Variants in AGBL3 observed in about 807,000 individuals in gnomAD.
AGBL3 encodes AGBL carboxypeptidase 3.
A neutral mutation model predicts 94.5 loss-of-function variants in AGBL3; 68 were observed. The ratio of observed to expected loss-of-function variants is 0.72; its 90% confidence interval spans 0.59 to 0.88. The LOEUF (loss-of-function observed/expected upper bound fraction) is 0.88. AGBL3 is among the 40% of genes least tolerant of loss of function. The probability of loss-of-function intolerance (pLI) is 0.00; values close to 1 mark genes in which losing one functional copy is unlikely to be tolerated. For missense variants in AGBL3, 934 were observed against 1,103.8 expected, an observed-to-expected ratio of 0.85 and a Z score of 2.18; for synonymous variants, 354 against 370.7, an observed-to-expected ratio of 0.95 and a Z score of 0.52.
chr7:135,050,439 T>G (rs921903552), intron 11 of AGBL3, among the ~76,000 whole-genome samples: 10 of 151,988 alleles, frequency 6.6e-5, no homozygotes, highest in Admixed American at 3.3e-4. Context: ...GTTTCCTTAT[T>G]GATCATCTAT....
intron 5 of AGBL3, among the ~76,000 whole-genome samples, chr7:135,021,054 T>TA (rs58072725): frequency 5.7e-5 from 1 of 17,602 alleles, no homozygotes; most frequent in African/African-American, 6.5e-5. Context: ...ACTTAAATAA[T>TA]AAAAAAAAAA....
intron 11 of AGBL3, among the ~76,000 whole-genome samples, chr7:135,046,123 G>C (rs1817334230): frequency 6.6e-6 from 1 of 152,112 alleles, no homozygotes; most frequent in South Asian, 2.1e-4. Flanking sequence ...AGTGTACTGT[G>C]AATAGTGTGT....
At chr7:134,990,079 G>A (rs561895150) in intron 3 of AGBL3, among the ~76,000 whole-genome samples, 20 of 152,276 alleles carry the variant, frequency 1.3e-4, no homozygotes, top group Admixed American at 1.1e-3. Context: ...TTCTGGGATT[G>A]CTAGAAAAAT....
intron 15 of AGBL3, among the ~76,000 whole-genome samples, chr7:135,096,790 A>AGAAAGAAAGAAG (rs1822963581): frequency 6.7e-6 from 1 of 150,324 alleles, no homozygotes; most frequent in Non-Finnish European, 1.5e-5. Context: ...AAAGAAAGAA[A>AGAAAGAAAGAAG]GAAAAAGGGA....
intron 12 of AGBL3, among the ~76,000 whole-genome samples, chr7:135,073,231 G>A (rs1258760086): frequency 1.3e-5 from 2 of 152,078 alleles, no homozygotes; most frequent in East Asian, 3.9e-4. Context: ...ACTATGGGAG[G>A]CCGATGCAGG....
chr7:134,989,558 C>A (rs1809950537), intron 3 of AGBL3, among the ~76,000 whole-genome samples: 1 of 152,120 alleles, frequency 6.6e-6, no homozygotes, highest in Non-Finnish European at 1.5e-5. Context: ...TTTACCTTGT[C>A]ATTTGTTTAA....
intron 11 of AGBL3, among the ~76,000 whole-genome samples, chr7:135,050,721 T>C (rs1031115775): frequency 4.6e-5 from 7 of 152,072 alleles, no homozygotes; most frequent in Non-Finnish European, 1.0e-4. Flanking sequence ...CTGATATAAG[T>C]ATAGCTATTC....
At chr7:135,005,746 T>G (rs1174589860) in intron 4 of AGBL3, among the ~76,000 whole-genome samples, 1 of 151,812 alleles carries the variant, frequency 6.6e-6, no homozygotes, top group Non-Finnish European at 1.5e-5. Context: ...TGGTATTAGA[T>G]TAGTAGAAGA....
At chr7:135,054,124 T>C (rs1554505638) in intron 11 of AGBL3, among the ~76,000 whole-genome samples, 4 of 152,238 alleles carry the variant, frequency 2.6e-5, no homozygotes, top group Non-Finnish European at 1.5e-5. Flanking sequence ...TATATAATTT[T>C]AGGAGTTTCC....
At chr7:135,073,512 A>G (rs28793684) in intron 12 of AGBL3, among the ~76,000 whole-genome samples, 2,753 of 144,204 alleles carry the variant, frequency 0.019, 51 homozygotes, top group African/African-American at 0.025. Flanking sequence ...ATAAATAAAT[A>G]AACCTTGCAG....
chr7:135,002,839 T>C (rs903677827), intron 4 of AGBL3, among the ~76,000 whole-genome samples: 2 of 152,174 alleles, frequency 1.3e-5, no homozygotes, highest in East Asian at 1.9e-4. Flanking sequence ...ATGGATGAGA[T>C]TGGAACATTT....
intron 12 of AGBL3, among the ~76,000 whole-genome samples, chr7:135,067,616 C>T (rs1298700763): frequency 2.0e-5 from 3 of 152,206 alleles, no homozygotes; most frequent in Non-Finnish European, 2.9e-5. Flanking sequence ...GCTGCTGATA[C>T]CCAGGCAAAC....
At chr7:135,131,664 TAAACTC>T (rs904458349) in intron 16 of AGBL3, among the ~76,000 whole-genome samples, 12 of 150,690 alleles carry the variant, frequency 8.0e-5, no homozygotes, top group African/African-American at 2.9e-4. Flanking sequence ...GAAAAGCAAA[TAAACTC>T]AAAGCAAGCA....
chr7:135,037,295 TA>T, intron 7 of AGBL3, 122 bp from the exon 8 acceptor site: 1 of 741,070 alleles, frequency 1.3e-6, no homozygotes, highest in Middle Eastern at 4.1e-4. Context: ...GCAATATAGA[TA>T]AGAGAAAGCT....
At chr7:135,004,189 G>A (rs920367421) in intron 4 of AGBL3, among the ~76,000 whole-genome samples, 1 of 151,656 alleles carries the variant, frequency 6.6e-6, no homozygotes, top group Non-Finnish European at 1.5e-5. Context: ...CTATGGGGTA[G>A]AGGGATTATG....
At position 135,135,350 on chromosome 7, in the gene AGBL3, C is replaced by T; in HGVS notation, c.*89C>T. 8.3e-7 allele frequency: 1 copy of T among 1,210,774 alleles called. No individual in the cohort carries two copies. The highest frequency in any genetic ancestry group is 2.3e-5 in the South Asian group (1 of 43,972). The allele number at this position is 1,210,774 out of a possible 1,614,324, so 75.0% of individuals were successfully genotyped here. ...AAAAAAAGGAAAGCCCTCCCCTTCC[C>T]CTTTCCCTATCTCTCCCCTTACACA... is the stretch of plus-strand genomic sequence containing the variant. On this transcript the variant is annotated 3_prime_UTR_variant, in exon 17 of 17. Coordinates refer to ENST00000436302, the MANE Select transcript of AGBL3 (RefSeq NM_178563.4).
intron 15 of AGBL3, among the ~76,000 whole-genome samples, chr7:135,096,359 G>GAGAC (rs1056809860): frequency 2.7e-5 from 4 of 150,366 alleles, no homozygotes; most frequent in African/African-American, 9.8e-5. Flanking sequence ...AAGAAAGAGA[G>GAGAC]AGACAGACAG....
At chr7:135,001,651 T>C (rs558557617) in intron 4 of AGBL3, among the ~76,000 whole-genome samples, 1 of 152,216 alleles carries the variant, frequency 6.6e-6, no homozygotes, top group South Asian at 2.1e-4. Flanking sequence ...GATTCTTCCT[T>C]TTGTCTTTCC....
intron 3 of AGBL3, among the ~76,000 whole-genome samples, chr7:134,990,397 G>C (rs1369836155): frequency 6.6e-6 from 1 of 152,100 alleles, no homozygotes; most frequent in African/African-American, 2.4e-5. Flanking sequence ...TAATACTCTT[G>C]AGATTTATCC....
Sources: gnomAD v4.1 joint callset for allele counts (sites outside exome capture counted in the v4.1 genomes callset) on GRCh38, gnomAD v4.1.1 for gene constraint, MANE v1.5 for transcripts, NCBI Gene and HGNC (gene_info 2026-07-23, HGNC 2026-07-21) for gene names.